The following ZNF418 variants were observed in gnomAD, a reference collection of about 807,000 sequenced individuals.
ZNF418 encodes the protein zinc finger protein 418.
Under a neutral mutation model 32.0 loss-of-function variants are expected in ZNF418, and 32 were observed. The observed-to-expected ratio is 1.00, with a 90% CI of 0.75 to 1.34. ZNF418 has a LOEUF of 1.34. Ranked by LOEUF, ZNF418 falls within the 40% of genes most tolerant of loss-of-function variation. The pLI, the probability that ZNF418 is intolerant of heterozygous loss-of-function variation, is 0.00. For missense variants in ZNF418, 804 were observed against 812.5 expected (o/e 0.99, Z 0.13); for synonymous variants, 276 against 270.7 (o/e 1.02, Z -0.19).
chr19:57,923,561 CACACATATAT>C (rs1163079373), intron 4 of ZNF418, among the ~76,000 whole-genome samples: 1 of 150,506 alleles, frequency 6.6e-6, no homozygotes, highest in Admixed American at 6.7e-5. Flanking sequence ...CACACACACA[CACACATATAT>C]ACACATATAT....
Position 57,927,674 on chromosome 19 carries a change from C to A in ZNF418, c.507G>T (p.Leu169Phe), listed in dbSNP as rs370397556. The A allele has an allele frequency of 6.2e-7, 1 of 1,614,108 alleles. No individual in the cohort carries two copies. Among genetic ancestry groups the A allele is most frequent in the Non-Finnish European group, 8.5e-7 (1 of 1,180,008 alleles). Residue 169 changes from leucine (L) to phenylalanine (F), a missense_variant, in exon 4 of 6, where the codon TTG (leucine) becomes TTT (phenylalanine). Leu to Phe is a conservative substitution (Grantham distance 22, BLOSUM62 0). Coordinates refer to ENST00000396147, the MANE Select transcript of ZNF418 (RefSeq NM_133460.3). ...SIFIQSGKDF[L>F]PSSGLLLQEA... ...CCTGCAGCAGTAATCCTGAGCTGGG[C>A]AAAAAGTCCTTTCCACTCTGAATGA...
Position 57,930,411 on chromosome 19 carries a change from G to T in ZNF418, c.133+17C>A. On this transcript the variant is annotated intron_variant, in intron 3 of 5. Coordinates refer to ENST00000396147, the MANE Select transcript of ZNF418 (RefSeq NM_133460.3). ...AGAGATCTATTCAGGAAATAGGGTA[G>T]GGTGTGAGGAACTTACCCAGGGAGG... is the stretch of plus-strand genomic sequence containing the variant. The T allele has an allele frequency of 6.2e-7, 1 of 1,613,982 alleles. No homozygotes were observed.
intron 4 of ZNF418, 57 bp from the exon 5 acceptor site, chr19:57,923,346 G>T (rs2072067930): frequency 6.6e-6 from 1 of 151,714 alleles, no homozygotes; most frequent in South Asian, 2.1e-4. Flanking sequence ...CTAATTCATT[G>T]CAGACGGGAG....
Position 57,926,751 on chromosome 19 carries a change from G to C in ZNF418, c.1430C>G (p.Thr477Ser), listed in dbSNP as rs756236883. The C allele has an allele frequency of 6.2e-7, 1 of 1,614,164 alleles. No individual in the cohort carries two copies. The highest frequency in any genetic ancestry group is 1.1e-5 in the South Asian group (1 of 91,084). ...ATTACATTCATATGGCCTTTCTCCA[G>C]TGTGAACTCTCTGGTGTTCAATGAG... ...SHLIEHQRVH[T>S]GERPYECNEC... is the part of the protein sequence containing the mutation. The change falls in exon 4 of 6, where the codon ACT becomes AGT. Residue 477 changes from threonine to serine, a missense_variant. Transcript: ENST00000396147.
rs994501042 is a variant in ZNF418, at chr19:57,930,489, C to G, written c.72G>C (p.Glu24Asp). The change falls in exon 3 of 6, where the codon GAG becomes GAC. Residue 24 changes from glutamate to aspartate, a missense_variant. Transcript: ENST00000396147. ...FSQEEWSLLS[E>D]VQRCLYHDVM... Reference sequence around the variant, plus strand: ...CGTCATGGTAAAGGCATCTCTGAACCTCACTAAGGAGACTCCACTCCTCCT... The same window carrying G: ...CGTCATGGTAAAGGCATCTCTGAACGTCACTAAGGAGACTCCACTCCTCCT... The G allele has an allele frequency of 1.2e-6, 2 of 1,614,002 alleles. No individual in the cohort carries two copies. The highest frequency in any genetic ancestry group is 1.7e-5 in the Admixed American group (1 of 59,992).
chr19:57,932,708 C>T (rs1157670069), intron 2 of ZNF418: 3 of 1,221,530 alleles, frequency 2.5e-6, no homozygotes, highest in Non-Finnish European at 1.1e-6. Context: ...AGCTGTCCAC[C>T]CCAGGCCCAA....
chr19:57,929,188 A>G (rs2072379195), intron 3 of ZNF418, among the ~76,000 whole-genome samples: 1 of 152,154 alleles, frequency 6.6e-6, no homozygotes, highest in Non-Finnish European at 1.5e-5. Flanking sequence ...CAACTGACAA[A>G]TCTGATGCTC....
At chr19:57,932,131 G>A (rs1032024729) in intron 2 of ZNF418, among the ~76,000 whole-genome samples, 1 of 152,202 alleles carries the variant, frequency 6.6e-6, no homozygotes, top group Non-Finnish European at 1.5e-5. Flanking sequence ...GATTTCTCAG[G>A]AGGGTGCCAC....
intron 4 of ZNF418, among the ~76,000 whole-genome samples, chr19:57,924,676 A>G (rs1568537915): frequency 6.6e-6 from 1 of 152,208 alleles, no homozygotes; most frequent in African/African-American, 2.4e-5. Flanking sequence ...ATATCAGAGC[A>G]CATGGCTGCA....
Position 57,926,317 on chromosome 19 carries a change from T to G in ZNF418, c.1864A>C (p.Ser622Arg), listed in dbSNP as rs1245877471. 3.1e-6 allele frequency: 5 copies of G among 1,610,058 alleles called. No homozygotes were observed. Among genetic ancestry groups the G allele is most frequent in the Middle Eastern group, 1.7e-4 (1 of 6,048 alleles). The change falls in exon 4 of 6, where the codon AGC becomes CGC. Residue 622 changes from serine (S) to arginine (R), a missense_variant. Around this residue, in one of 3 missense-constraint regions of ZNF418, gnomAD observed 475 missense variants for 458.6 expected, o/e 1.04. Coordinates refer to ENST00000396147, the MANE Select transcript of ZNF418 (RefSeq NM_133460.3). ...TCAGCAAAGGATTTCCCACATTCGC[T>G]GCACTCGTAAGGCTTTCCTCGAGTA... is the stretch of plus-strand genomic sequence containing the variant. ...LHTRGKPYEC[S>R]ECGKSFAETF...
Position 57,926,567 on chromosome 19 carries a change from A to G in ZNF418, c.1614T>C (p.Tyr538=), listed in dbSNP as rs369738449. 6.8e-6 allele frequency: 11 copies of G among 1,613,940 alleles called. No homozygotes were observed. The highest frequency in any genetic ancestry group is 5.3e-5 in the African/African-American group (4 of 74,886). The part of the protein sequence containing the change: ...HRRVHTGERP[Y]ECGECGKSFH... Reference sequence around the variant, plus strand: ...ATGACTTTCCACATTCTCCACATTCATAAGGCCTTTCTCCAGTATGAACTC... The same window carrying G: ...ATGACTTTCCACATTCTCCACATTCGTAAGGCCTTTCTCCAGTATGAACTC... The change falls in exon 4 of 6, where the codon TAT becomes TAC. Residue 538 remains tyrosine, a synonymous_variant. Transcript: ENST00000396147.
chr19:57,932,077 G>A (rs1318577113), intron 2 of ZNF418, among the ~76,000 whole-genome samples: 1 of 152,250 alleles, frequency 6.6e-6, no homozygotes, highest in Non-Finnish European at 1.5e-5. Context: ...ACCAGGGACA[G>A]TGTTATGCAC....
Position 57,927,671 on chromosome 19 carries a change from G to A in ZNF418, c.510C>T (p.Pro170=). The A allele has an allele frequency of 1.2e-6, 2 of 1,614,108 alleles. No individual in the cohort carries two copies. The highest frequency in any genetic ancestry group is 1.7e-6 in the Non-Finnish European group (2 of 1,180,012). Residue 170 remains proline, a synonymous_variant, in exon 4 of 6, where the codon CCC becomes CCT. Coordinates refer to ENST00000396147, the MANE Select transcript of ZNF418 (RefSeq NM_133460.3). ...CCTCCTGCAGCAGTAATCCTGAGCT[G>A]GGCAAAAAGTCCTTTCCACTCTGAA... is the stretch of plus-strand genomic sequence containing the variant. ...IFIQSGKDFL[P]SSGLLLQEAT...
intron 2 of ZNF418, chr19:57,932,443 T>C: frequency 3.9e-6 from 6 of 1,535,460 alleles, no homozygotes; most frequent in Non-Finnish European, 4.4e-6. Flanking sequence ...AGAATTCTCA[T>C]GGCTCCCAAT....
rs773612382 is a variant in ZNF418 at position 57,926,514 on chromosome 19, T to C, written c.1667A>G (p.His556Arg). The change falls in exon 4 of 6, where the codon CAT (histidine) becomes CGT (arginine). Residue 556 changes from histidine (H) to arginine (R), a missense_variant. This residue lies in a region of ZNF418 where 475 missense variants were observed against 458.6 expected (regional missense o/e 1.04). Coordinates refer to ENST00000396147, the MANE Select transcript of ZNF418 (RefSeq NM_133460.3). Reference sequence around the variant, plus strand: ...TCTTTCTGCAGTGTGAGTTTTCTGATGTCGAAGGAGGGAAGAGCTCTGATG... The same window carrying C: ...TCTTTCTGCAGTGTGAGTTTTCTGACGTCGAAGGAGGGAAGAGCTCTGATG... ...SFHQSSSLLR[H>R]QKTHTAERPY... The C allele has an allele frequency of 1.9e-6, 3 of 1,614,068 alleles. No individual in the cohort carries two copies. In the South Asian group the frequency reaches 3.3e-5, roughly 18 times the overall value.
intron 1 of ZNF418, 112 bp downstream of exon 1, chr19:57,935,049 A>G (rs2072640149): frequency 2.9e-6 from 4 of 1,364,374 alleles, no homozygotes; most frequent in Non-Finnish European, 3.8e-6. Context: ...CGAACGCCTC[A>G]GTGTCCCGAC....
chr19:57,934,688 A>G, intron 1 of ZNF418: 1 of 192,306 alleles, frequency 5.2e-6, no homozygotes, highest in Non-Finnish European at 1.1e-5. Context: ...CATCTCTACC[A>G]CCTATGTGAT....
intron 2 of ZNF418, among the ~76,000 whole-genome samples, chr19:57,933,541 T>C (rs938329564): frequency 6.6e-6 from 1 of 152,128 alleles, no homozygotes; most frequent in African/African-American, 2.4e-5. Context: ...GCTAACACAG[T>C]GAAACCGTCT....
chr19:57,934,565 A>G (rs543530955), intron 1 of ZNF418, among the ~76,000 whole-genome samples: 1 of 152,104 alleles, frequency 6.6e-6, no homozygotes, highest in Non-Finnish European at 1.5e-5. Context: ...GTCTGAGGGG[A>G]AAGCAGACGT....
Sources: allele counts gnomAD v4.1 joint callset (sites outside exome capture counted in the v4.1 genomes callset), GRCh38; gene constraint gnomAD v4.1.1; regional missense constraint gnomAD v4.1.1; transcripts MANE v1.5; gene names NCBI Gene and HGNC (gene_info 2026-07-23, HGNC 2026-07-21).